IDUA: variants seen among roughly 807,000 people sequenced by gnomAD.
IDUA encodes the protein alpha-L-iduronidase.
Under a neutral mutation model 68.9 loss-of-function variants are expected in IDUA, and 65 were observed. The ratio of observed to expected loss-of-function variants is 0.94; its 90% CI spans 0.77 to 1.16. The LOEUF (loss-of-function observed/expected upper bound fraction) is 1.16, where lower values mean the gene tolerates loss of function less well. Ranked by LOEUF, IDUA falls within the 50% of genes most tolerant of loss-of-function variation. The pLI is 0.00. For missense variants in IDUA, 1,046 were observed against 938.0 expected (o/e 1.12, Z -1.50); for synonymous variants, 529 against 433.6 (o/e 1.22, Z -2.73).
At chr4:988,918 T>C (rs764927251) in intron 2 of IDUA, 1 of 1,604,176 alleles carries the variant, frequency 6.2e-7, no homozygotes, top group Non-Finnish European at 8.5e-7. Context: ...GAACAGCTGC[T>C]CCTCCTCAGC....
chr4:991,371 G>A (rs141470857), intron 2 of IDUA: 1 of 1,612,748 alleles, frequency 6.2e-7, no homozygotes, highest in Non-Finnish European at 8.5e-7. Flanking sequence ...TGAGGAAGTA[G>A]ATGAGGTTGG....
At chr4:991,578 A>T in intron 2 of IDUA, 1 of 1,600,884 alleles carries the variant, frequency 6.2e-7, no homozygotes, top group Non-Finnish European at 8.5e-7. Context: ...CGCACAGCAC[A>T]CTGCACGAGC....
intron 2 of IDUA, among the ~76,000 whole-genome samples, chr4:994,327 A>G (rs1033160915): frequency 1.3e-5 from 2 of 151,740 alleles, no homozygotes; most frequent in African/African-American, 2.4e-5. Flanking sequence ...CCAGGCCGGA[A>G]TGCAGTGGTG....
At chr4:988,175 A>T in intron 2 of IDUA, 8 of 1,384,898 alleles carry the variant, frequency 5.8e-6, no homozygotes, top group Non-Finnish European at 7.5e-6. Flanking sequence ...CTGCAGGCTC[A>T]GGGTTGGCTG....
chr4:990,165 C>T (rs745511682), intron 2 of IDUA: 1 of 1,561,760 alleles, frequency 6.4e-7, no homozygotes, highest in East Asian at 2.4e-5. Context: ...ACACGTTGGC[C>T]TGCCCGGCGC....
intron 12 of IDUA, 73 bp from the exon 13 acceptor site, chr4:1,003,939 G>A (rs1715284093): frequency 1.6e-6 from 2 of 1,239,164 alleles, no homozygotes; most frequent in East Asian, 2.3e-5. Context: ...GGGTCCACGC[G>A]GCCGTGCCCT....
chr4:1,004,077 A>T lies in IDUA; in HGVS notation c.1793A>T (p.Lys598Met). Residue 598 changes from lysine (K) to methionine (M), a missense_variant, in exon 13 of 14, where the codon AAG becomes ATG. Coordinates refer to ENST00000514224, the MANE Select transcript of IDUA (RefSeq NM_000203.5). This position sits in a 1 kb window ranked among gnomAD's most constrained non-coding sequence, Gnocchi z 5.0. ...DGKAYTPVSRKPSTFNLFVFS... is the reference protein window; with the variant it reads ...DGKAYTPVSRMPSTFNLFVFS... ...AAGGCGTACACCCCGGTCAGCAGGAAGCCATCGACCTTCAACCTCTTTGTG... is the reference window on the plus strand; with the variant it reads ...AAGGCGTACACCCCGGTCAGCAGGATGCCATCGACCTTCAACCTCTTTGTG... 6.2e-7 allele frequency: 1 copy of T among 1,612,422 alleles called. No homozygotes were observed. The highest frequency in any genetic ancestry group is 8.5e-7 in the Non-Finnish European group (1 of 1,179,802).
rs1715120430 is a variant in IDUA, at chr4:1,002,088, C to T, written c.899C>T (p.Ala300Val). 2 of 1,579,432 alleles carry T rather than the reference C, an allele frequency of 1.3e-6. No individual in the cohort carries two copies. Among genetic ancestry groups the T allele is most frequent in the Non-Finnish European group, 1.7e-6 (2 of 1,163,876 alleles). ...GACACCCCCATTTACAACGACGAGG[C>T]GGACCCGCTGGTGGGCTGGTCCCTG... ...FADTPIYNDE[A>V]DPLVGWSLPQ... Residue 300 changes from alanine (A) to valine (V), a missense_variant, in exon 7 of 14, where the codon GCG becomes GTG. By Grantham distance (64) the Ala-to-Val change is moderately conservative (BLOSUM62 0). Transcript: ENST00000514224.
chr4:996,438 G>T (rs1380301984), intron 2 of IDUA, among the ~76,000 whole-genome samples: 1 of 152,194 alleles, frequency 6.6e-6, no homozygotes, highest in Non-Finnish European at 1.5e-5. Flanking sequence ...GGTGGGGTGG[G>T]CAGTGCCACC....
At chr4:1,003,499 C>T (rs1301560717) in intron 11 of IDUA, 29 bp downstream of exon 11, 2 of 1,596,992 alleles carry the variant, frequency 1.3e-6, no homozygotes, top group African/African-American at 1.3e-5. Flanking sequence ...ACCCGCGCCG[C>T]GGCCCGGACT....
chr4:1,002,713 GCCC>G lies in IDUA; in HGVS notation c.1190-12_1190-10del, dbSNP rs150523349. ...TGGGCAACGACCCCACGCGGCGACGGCCCCCCCCCGCCCCGCAGATGAGGAGCA... is the reference window on the plus strand; with the variant it reads ...TGGGCAACGACCCCACGCGGCGACGGCCCCCCGCCCCGCAGATGAGGAGCA... On this transcript the variant is annotated splice_polypyrimidine_tract_variant and intron_variant, in intron 8 of 13. Coordinates refer to ENST00000514224, the MANE Select transcript of IDUA (RefSeq NM_000203.5). 1 of 1,364,352 alleles carries G rather than the reference GCCC, an allele frequency of 7.3e-7. No homozygotes were observed. The highest frequency in any genetic ancestry group is 9.8e-7 in the Non-Finnish European group (1 of 1,022,518). The allele number at this position is 1,364,352 out of a possible 1,614,324, so 84.5% of individuals were successfully genotyped here. A position where few individuals can be genotyped will look rare whatever the true frequency, so the allele number is the denominator to read the frequency against.
At chr4:989,578 A>G (rs549093377) in intron 2 of IDUA, 3 of 1,596,206 alleles carry the variant, frequency 1.9e-6, no homozygotes, top group Admixed American at 1.7e-5. Context: ...CACCTTGCGC[A>G]GGGCCCCCCG....
rs572170474 is a variant in IDUA at position 995,549 on chromosome 4, G to A, written c.300-5063G>A. ...TCGGGTGGGGCTGGAAGGCCAACCC[G>A]GCCCTGGCACCTTGGGCAGCCTGAC... is the stretch of plus-strand genomic sequence containing the variant. On this transcript the variant is annotated intron_variant, in intron 2 of 13. Transcript: ENST00000514224. 1.6e-4 allele frequency among the ~76,000 whole-genome samples: 25 copies of A among 152,324 alleles called. No homozygotes were observed. In the East Asian group the frequency reaches 2.7e-3, roughly 16 times the overall value.
chr4:993,697 T>C (rs1714546541), intron 2 of IDUA, among the ~76,000 whole-genome samples: 1 of 152,112 alleles, frequency 6.6e-6, no homozygotes, highest in Non-Finnish European at 1.5e-5. Flanking sequence ...CCTTCAGCTC[T>C]GGGGTCTGGG....
At chr4:1,003,271 G>A (rs1715229444) in intron 10 of IDUA, 74 bp from the exon 11 acceptor site, 2 of 1,351,990 alleles carry the variant, frequency 1.5e-6, no homozygotes, top group African/African-American at 3.1e-5. Context: ...GTGGGCCGGG[G>A]GCGTTCGCCC....
rs1460907852 is a variant in IDUA at position 1,003,353 on chromosome 4, G to A, written c.1533G>A (p.Val511=). 6.9e-7 allele frequency: 1 copy of A among 1,457,748 alleles called. No homozygotes were observed. The highest frequency in any genetic ancestry group is 9.0e-7 in the Non-Finnish European group (1 of 1,114,554). 90.3% of individuals were successfully genotyped at this position (1,457,748 alleles called of 1,614,324 possible). Reference sequence around the variant, plus strand: ...CCGGCCACTGCGCCCAGGACCCGGTGGCCGCGGCGCCCCGCCCCTTACCCG... The same window carrying A: ...CCGGCCACTGCGCCCAGGACCCGGTAGCCGCGGCGCCCCGCCCCTTACCCG... ...FRRMRAAEDP[V]AAAPRPLPAG... The change falls in exon 11 of 14, where the codon GTG becomes GTA. Residue 511 remains valine, a synonymous_variant. Coordinates refer to ENST00000514224, the MANE Select transcript of IDUA (RefSeq NM_000203.5).
At chr4:988,899 C>T (rs1272569212) in intron 2 of IDUA, 2 of 1,604,688 alleles carry the variant, frequency 1.2e-6, no homozygotes, top group Admixed American at 1.7e-5. Context: ...CGGCATCGTG[C>T]ACACTGAGGA....
chr4:1,003,650 C>T (rs746397595), intron 12 of IDUA, 25 bp downstream of exon 12: 2 of 1,611,416 alleles, frequency 1.2e-6, no homozygotes, highest in African/African-American at 2.7e-5. Context: ...CCGCCCCTCC[C>T]TCTGCCTGGT....
Position 1,002,554 on chromosome 4 carries a change from C to A in IDUA, c.1189+69C>A, listed in dbSNP as rs112726770. On this transcript the variant is annotated intron_variant, in intron 8 of 13. Transcript: ENST00000514224. The stretch of plus-strand genomic sequence containing the variant: ...CTGGGGAGCGGCTCCTGCGAAGGCC[C>A]CGCTGCGGGGAGCGCACTTCCTCCA... 2.1e-4 allele frequency: 292 copies of A among 1,358,514 alleles called. No individual in the cohort carries two copies. The African/African-American group carries it at 3.3e-3, about 15-fold the overall frequency. 84.2% of individuals were successfully genotyped at this position (1,358,514 alleles called of 1,614,324 possible).
Sources: allele counts gnomAD v4.1 joint callset (sites outside exome capture counted in the v4.1 genomes callset), GRCh38; gene constraint gnomAD v4.1.1; non-coding constraint Gnocchi (gnomAD v3.1); transcripts MANE v1.5; gene names NCBI Gene and HGNC (gene_info 2026-07-23, HGNC 2026-07-21).